SCUBE1: variants seen among roughly 807,000 people sequenced by gnomAD.
The protein encoded by SCUBE1 is signal peptide, CUB domain and EGF like domain containing 1.
A neutral mutation model predicts 124.4 loss-of-function variants in SCUBE1; 59 were observed. The observed-to-expected ratio is 0.47, with a 90% CI of 0.38 to 0.59. The LOEUF (loss-of-function observed/expected upper bound fraction) is 0.59. Ranked by LOEUF, SCUBE1 falls within the 20% of genes least tolerant of loss-of-function variation. The probability of loss-of-function intolerance (pLI) is 0.00; values close to 1 mark genes in which losing one functional copy is unlikely to be tolerated. For missense variants in SCUBE1, 1,150 were observed against 1,371.2 expected (o/e 0.84, Z 2.55); for synonymous variants, 545 against 550.9 (o/e 0.99, Z 0.15).
Position 43,325,770 on chromosome 22 carries a change from A to C in SCUBE1, c.221-5705T>G, listed in dbSNP as rs117649874. Among the ~76,000 whole-genome samples the C allele has an allele frequency of 8.9e-4, 135 of 152,228 alleles. 1 individual carries two copies. In the East Asian group the frequency reaches 0.025, roughly 28 times the overall value. ...AACAGAAGACAGCTCCCAGCATCTAATAGAGCAGAGAAAAGCAGCACAGAG... is the reference window on the plus strand; with the variant it reads ...AACAGAAGACAGCTCCCAGCATCTACTAGAGCAGAGAAAAGCAGCACAGAG... On this transcript the variant is annotated intron_variant, in intron 2 of 21. Transcript: ENST00000360835.
intron 3 of SCUBE1, among the ~76,000 whole-genome samples, chr22:43,305,451 T>G (rs925966038): frequency 1.3e-5 from 2 of 151,794 alleles, no homozygotes; most frequent in Non-Finnish European, 2.9e-5. Flanking sequence ...CCCGGGGGGC[T>G]GGGGAAGAGG....
In SCUBE1 at chr22:43,338,991, A is replaced by G. The variant is rs1451369261; in HGVS notation, c.220+113T>C. On this transcript the variant is annotated intron_variant, in intron 2 of 21. Transcript: ENST00000360835. The stretch of plus-strand genomic sequence containing the variant: ...AGAAGCCTGTGCTGTCAGCAACCAC[A>G]ATGGTGGTGCTGGAGGCTCAGCCCC... 10 of 1,268,656 alleles carry G rather than the reference A, an allele frequency of 7.9e-6. No homozygotes were observed. In the East Asian group the frequency reaches 2.1e-4, roughly 27 times the overall value. The allele number at this position is 1,268,656 out of a possible 1,614,324, so 78.6% of individuals were successfully genotyped here.
intron 2 of SCUBE1, among the ~76,000 whole-genome samples, chr22:43,333,120 G>A (rs1926956119): frequency 2.0e-5 from 3 of 152,200 alleles, no homozygotes; most frequent in East Asian, 1.9e-4. Flanking sequence ...CCTGGGGTGA[G>A]CTGCAAAGAG....
Position 43,201,753 on chromosome 22 carries a change from C to A in SCUBE1, c.*2244G>T, listed in dbSNP as rs1487067722. Reference sequence around the variant, plus strand: ...GCCTCCAGAATCTGTGAGCCAGTTCCCATAATGCAGCCCCTCACACATCTA... The same window carrying A: ...GCCTCCAGAATCTGTGAGCCAGTTCACATAATGCAGCCCCTCACACATCTA... On this transcript the variant is annotated 3_prime_UTR_variant, in exon 22 of 22. Transcript: ENST00000360835. 6 of 152,198 alleles carry A rather than the reference C, an allele frequency of 3.9e-5. No homozygotes were observed. Among genetic ancestry groups the A allele is most frequent in the Admixed American group, 3.9e-4 (6 of 15,274 alleles). 9.4% of individuals were successfully genotyped at this position (152,198 alleles called of 1,614,324 possible). A position where few individuals can be genotyped will look rare whatever the true frequency, so the allele number is the denominator to read the frequency against.
At chr22:43,313,158 C>T (rs934102850) in intron 3 of SCUBE1, among the ~76,000 whole-genome samples, 9 of 152,158 alleles carry the variant, frequency 5.9e-5, no homozygotes, top group African/African-American at 1.7e-4. Flanking sequence ...CCAAAGCTCC[C>T]GAATCTCACT....
chr22:43,206,558 G>C (rs1000446095), intron 21 of SCUBE1, among the ~76,000 whole-genome samples: 2 of 152,204 alleles, frequency 1.3e-5, no homozygotes, highest in Admixed American at 1.3e-4. Context: ...GGCTGCAAAG[G>C]GTGTGCCCAG....
intron 6 of SCUBE1, among the ~76,000 whole-genome samples, chr22:43,250,286 C>T (rs1923389501): frequency 6.6e-6 from 1 of 152,222 alleles, no homozygotes; most frequent in Non-Finnish European, 1.5e-5. Context: ...GCAGTGTCTG[C>T]TGATCAAGGG....
chr22:43,307,904 G>A (rs1259106506), intron 3 of SCUBE1, among the ~76,000 whole-genome samples: 1 of 152,208 alleles, frequency 6.6e-6, no homozygotes, highest in African/African-American at 2.4e-5. Context: ...CCTGACTTCT[G>A]CTCTGTGGGC....
intron 19 of SCUBE1, 50 bp from the exon 20 acceptor site, chr22:43,208,274 T>C: frequency 4.4e-6 from 7 of 1,596,538 alleles, no homozygotes; most frequent in Non-Finnish European, 4.3e-6. Flanking sequence ...CAGCTCCTCC[T>C]GCCCTAGGCC....
At chr22:43,214,585 G>A (rs1376869294) in intron 15 of SCUBE1, among the ~76,000 whole-genome samples, 1 of 152,212 alleles carries the variant, frequency 6.6e-6, no homozygotes. Flanking sequence ...TCCAGCTTTA[G>A]CAAACTGCCT....
At chr22:43,229,589 G>C (rs1922470703) in intron 8 of SCUBE1, among the ~76,000 whole-genome samples, 1 of 152,126 alleles carries the variant, frequency 6.6e-6, no homozygotes, top group Admixed American at 6.5e-5. Flanking sequence ...GCTGACTTGG[G>C]ACATAAACCT....
intron 3 of SCUBE1, among the ~76,000 whole-genome samples, chr22:43,291,456 C>G (rs1214499758): frequency 6.9e-6 from 1 of 145,364 alleles, no homozygotes; most frequent in African/African-American, 2.5e-5. Context: ...TACGGAGGGT[C>G]TCCATCGCGC....
At chr22:43,225,262 A>C (rs751267386) in intron 10 of SCUBE1, among the ~76,000 whole-genome samples, 2 of 152,032 alleles carry the variant, frequency 1.3e-5, no homozygotes, top group Non-Finnish European at 2.9e-5. Context: ...GAAAGCCAGA[A>C]ATCAGATCTC....
intron 5 of SCUBE1, among the ~76,000 whole-genome samples, chr22:43,259,154 G>C (rs1601836194): frequency 1.3e-5 from 2 of 152,182 alleles, no homozygotes; most frequent in African/African-American, 4.8e-5. Flanking sequence ...TTAAACACAT[G>C]GTCCATTTCC....
chr22:43,326,078 T>G (rs1437209607), intron 2 of SCUBE1, among the ~76,000 whole-genome samples: 2 of 152,164 alleles, frequency 1.3e-5, no homozygotes, highest in African/African-American at 4.8e-5. Flanking sequence ...TATTTTAGGG[T>G]ATTTTCCTCA....
rs150238981 is a variant in SCUBE1, at chr22:43,214,167, C to A, written c.1976G>T (p.Gly659Val). The change falls in exon 16 of 22, where the codon GGC becomes GTC. Residue 659 changes from glycine to valine, a missense_variant. Around this residue, in one of 3 missense-constraint regions of SCUBE1, gnomAD observed 757 missense variants for 840.9 expected, o/e 0.90. Coordinates refer to ENST00000360835, the MANE Select transcript of SCUBE1 (RefSeq NM_173050.5). ...CMPGTYQDME[G>V]QLSCTPCPSS... ...GGGGCACGGTGTGCAACTGAGCTGG[C>A]CTTCCATGTCCTGGTATGTTCCTGG... The A allele has an allele frequency of 1.2e-6, 2 of 1,612,716 alleles. No homozygotes were observed. The highest frequency in any genetic ancestry group is 1.7e-6 in the Non-Finnish European group (2 of 1,179,850).
intron 9 of SCUBE1, 124 bp downstream of exon 9, chr22:43,228,948 C>A: frequency 1.4e-6 from 1 of 702,400 alleles, no homozygotes. Flanking sequence ...AGTCCCCATC[C>A]TTGCTGAGGC....
At chr22:43,295,856 C>A (rs1170134989) in intron 3 of SCUBE1, among the ~76,000 whole-genome samples, 1 of 152,230 alleles carries the variant, frequency 6.6e-6, no homozygotes, top group African/African-American at 2.4e-5. Flanking sequence ...TGGGCCAGAG[C>A]ACAGAGATGG....
At chr22:43,238,651 C>A (rs1368305704) in intron 7 of SCUBE1, 187 bp downstream of exon 7, 2 of 676,162 alleles carry the variant, frequency 3.0e-6, no homozygotes, top group South Asian at 1.6e-5. Flanking sequence ...GCTGGGGACC[C>A]TGCTGCTGGC....
Sources: gnomAD v4.1 joint callset for allele counts (sites outside exome capture counted in the v4.1 genomes callset) on GRCh38, gnomAD v4.1.1 for gene constraint, gnomAD v4.1.1 regional missense constraint, MANE v1.5 for transcripts, NCBI Gene and HGNC (gene_info 2026-07-23, HGNC 2026-07-21) for gene names.